Variants in SSUH2 observed in about 807,000 individuals in gnomAD.
SSUH2 encodes the protein protein SSUH2 homolog.
A neutral mutation model predicts 55.3 loss-of-function variants in SSUH2; 47 were observed. That is an observed-to-expected ratio of 0.85 (90% CI 0.67 to 1.08). The LOEUF (loss-of-function observed/expected upper bound fraction) is 1.08. Among genes scored for constraint, SSUH2 ranks in the 50% least tolerant of loss-of-function variants. SSUH2 has a pLI of 0.00. For missense variants in SSUH2, 535 were observed against 490.7 expected, an observed-to-expected ratio of 1.09 and a Z score of -0.85; for synonymous variants, 212 against 191.5, an observed-to-expected ratio of 1.11 and a Z score of -0.89.
intron 3 of SSUH2, chr3:8,634,537 C>T: frequency 7.8e-7 from 1 of 1,289,818 alleles, no homozygotes; most frequent in Non-Finnish European, 1.0e-6. Context: ...ATCCTCCAGC[C>T]CTGGCACACA....
intron 7 of SSUH2, 69 bp downstream of exon 7, chr3:8,629,595 C>G: frequency 2.0e-6 from 2 of 1,009,086 alleles, no homozygotes; most frequent in Non-Finnish European, 3.0e-6. Context: ...ACCAGCCCAG[C>G]CCGCTGTCCC....
At chr3:8,681,484 G>A (rs1273401527) in intron 1 of SSUH2, among the ~76,000 whole-genome samples, 1 of 145,508 alleles carries the variant, frequency 6.9e-6, no homozygotes, top group African/African-American at 2.6e-5. Flanking sequence ...GTAGGGGGGA[G>A]GCAGCCCCCA....
At chr3:8,661,590 A>C (rs1407029221) in intron 6 of SSUH2, among the ~76,000 whole-genome samples, 1 of 152,202 alleles carries the variant, frequency 6.6e-6, no homozygotes, top group Admixed American at 6.5e-5. Context: ...AGACTCCCGA[A>C]TCCGAGACAA....
intron 1 of SSUH2, among the ~76,000 whole-genome samples, chr3:8,641,603 C>A (rs982619821): frequency 1.3e-5 from 2 of 152,224 alleles, no homozygotes; most frequent in African/African-American, 4.8e-5. Context: ...ACCGGAACCA[C>A]TATCCCCCTC....
intron 7 of SSUH2, among the ~76,000 whole-genome samples, chr3:8,650,373 T>C (rs1702256109): frequency 6.6e-6 from 1 of 152,238 alleles, no homozygotes. Context: ...TTCCCTGCTG[T>C]ATACTTAGCA....
intron 1 of SSUH2, among the ~76,000 whole-genome samples, chr3:8,681,084 G>C (rs1376118957): frequency 7.4e-4 from 75 of 100,848 alleles, no homozygotes; most frequent in Middle Eastern, 7.1e-3. Flanking sequence ...TCCATAGCAG[G>C]GGGGAGAGGC....
intron 3 of SSUH2, among the ~76,000 whole-genome samples, chr3:8,676,216 G>A (rs1416888065): frequency 1.3e-5 from 2 of 151,512 alleles, no homozygotes; most frequent in African/African-American, 2.4e-5. Context: ...GTACACACTC[G>A]GTGTACAGAG....
In SSUH2 at chr3:8,644,798, T is replaced by G. The variant is rs778199864; in HGVS notation, c.-40A>C. 147 of 1,533,874 alleles carry G rather than the reference T, an allele frequency of 9.6e-5. No individual in the cohort carries two copies. Among genetic ancestry groups the G allele is most frequent in the Admixed American group, 2.9e-4 (15 of 50,974 alleles). On this transcript the variant is annotated 5_prime_UTR_variant, in exon 1 of 12. Transcript: ENST00000544814. The stretch of plus-strand genomic sequence containing the variant: ...GCCAAAGAGATGTCTGCCCTTCGAG[T>G]GTGCTTGGACCGATGTGCTCTGATG...
intron 5 of SSUH2, chr3:8,670,960 T>TA (rs1704501267): frequency 2.6e-6 from 1 of 385,946 alleles, no homozygotes; most frequent in Non-Finnish European, 5.5e-6. Context: ...AGAAGTAACA[T>TA]CCCCCGAGGA....
Position 8,676,902 on chromosome 3 carries a change from C to A in SSUH2, c.-753+304G>T, listed in dbSNP as rs557604207. ...CCCCCGTGAGGCGGGGACAGAGAGC[C>A]AGCCCCTCTTTCCCCCCTGGCTCTT... On this transcript the variant is annotated intron_variant, in intron 3 of 18. Transcript: ENST00000317371. 8.8e-4 allele frequency among the ~76,000 whole-genome samples: 130 copies of A among 148,050 alleles called. 5 individuals are homozygous for A. The highest frequency in any genetic ancestry group is 1.9e-3 in the Admixed American group (28 of 15,054).
At chr3:8,664,768 AG>A (rs1300926248) in intron 5 of SSUH2, among the ~76,000 whole-genome samples, 2 of 152,234 alleles carry the variant, frequency 1.3e-5, no homozygotes, top group Non-Finnish European at 2.9e-5. Context: ...ATCTATGGAA[AG>A]GAATCACAAT....
intron 6 of SSUH2, among the ~76,000 whole-genome samples, chr3:8,630,537 T>C (rs1370059051): frequency 4.6e-5 from 7 of 152,252 alleles, no homozygotes; most frequent in African/African-American, 1.7e-4. Context: ...TGTCCAGGAA[T>C]GTCACTGCTC....
intron 3 of SSUH2, among the ~76,000 whole-genome samples, chr3:8,675,728 G>A (rs1331523954): frequency 6.6e-6 from 1 of 152,108 alleles, no homozygotes; most frequent in Admixed American, 6.6e-5. Context: ...CTTTGCATGA[G>A]GTCACAAAGG....
chr3:8,673,798 T>G (rs890476838), intron 3 of SSUH2, among the ~76,000 whole-genome samples: 1 of 152,024 alleles, frequency 6.6e-6, no homozygotes, highest in Non-Finnish European at 1.5e-5. Flanking sequence ...ATGCAAAGGC[T>G]AAACTGAGAC....
chr3:8,664,300 C>G (rs998280447), intron 5 of SSUH2, among the ~76,000 whole-genome samples: 2 of 152,254 alleles, frequency 1.3e-5, no homozygotes, highest in African/African-American at 4.8e-5. Flanking sequence ...TGGGATCAGG[C>G]AGCCATCTGC....
At position 8,644,467 on chromosome 3, in the gene SSUH2, G is replaced by A. The variant is rs111586565; in HGVS notation, c.28+264C>T. Among the ~76,000 whole-genome samples, 584 of 152,262 alleles carry A rather than the reference G, an allele frequency of 3.8e-3. 1 individual carries two copies. The highest frequency in any genetic ancestry group is 0.013 in the African/African-American group (537 of 41,526). On this transcript the variant is annotated intron_variant, in intron 1 of 11. Transcript: ENST00000544814. ...TCTCCATTGTCCAAAGGCTCATAACGGAAGAAGAGATCGCAAGCTACAGGT... is the reference window on the plus strand; with the variant it reads ...TCTCCATTGTCCAAAGGCTCATAACAGAAGAAGAGATCGCAAGCTACAGGT...
At position 8,652,979 on chromosome 3, in the gene SSUH2, G is replaced by C. The variant is rs569494595; in HGVS notation, c.-307+5946C>G. On this transcript the variant is annotated intron_variant, in intron 7 of 18. Transcript: ENST00000317371. ...TGGGCTCCTCTTTGTCCTGGGGATCGGCTACCTAAATGCCCTGAAGCTCTG... is the reference window on the plus strand; with the variant it reads ...TGGGCTCCTCTTTGTCCTGGGGATCCGCTACCTAAATGCCCTGAAGCTCTG... Among the ~76,000 whole-genome samples the C allele has an allele frequency of 3.3e-5, 5 of 152,304 alleles. No homozygotes were observed. The South Asian group carries it at 1.0e-3, about 32-fold the overall frequency.
At chr3:8,659,356 G>A (rs1703247833) in intron 6 of SSUH2, 1 of 152,880 alleles carries the variant, frequency 6.5e-6, no homozygotes, top group East Asian at 1.9e-4. Flanking sequence ...AGATTCCCAG[G>A]CCTTTGTTCC....
intron 10 of SSUH2, 59 bp downstream of exon 10, chr3:8,625,483 C>T (rs1697341687): frequency 9.4e-7 from 1 of 1,060,142 alleles, no homozygotes; most frequent in Non-Finnish European, 1.5e-6. Flanking sequence ...CAGCCCCAGG[C>T]CCACGAGAGC....
Sources: allele counts gnomAD v4.1 joint callset (sites outside exome capture counted in the v4.1 genomes callset), GRCh38; gene constraint gnomAD v4.1.1; transcripts MANE v1.5; gene names NCBI Gene and HGNC (gene_info 2026-07-23, HGNC 2026-07-21).